Variants in SYNRG observed in about 807,000 individuals in gnomAD.
SYNRG encodes synergin gamma.
In SYNRG, 37 loss-of-function variants were observed where a neutral mutation model predicts 130.9. The observed-to-expected ratio is 0.28, with a 90% CI of 0.22 to 0.37. SYNRG has a LOEUF of 0.37. Ranked by LOEUF, SYNRG falls within the 10% of genes least tolerant of loss-of-function variation. The pLI is 1.00. For missense variants in SYNRG, 1,338 were observed against 1,588.9 expected (o/e 0.84, Z 2.68); for synonymous variants, 539 against 568.1 (o/e 0.95, Z 0.73).
intron 19 of SYNRG, among the ~76,000 whole-genome samples, chr17:37,525,746 TCA>T (rs1420765578): frequency 4.6e-5 from 7 of 151,582 alleles, no homozygotes; most frequent in South Asian, 2.1e-4. Flanking sequence ...GGCGGGCGGA[TCA>T]CGAGGTCAGG....
intron 11 of SYNRG, chr17:37,568,579 G>A (rs2060172461): frequency 2.1e-6 from 1 of 472,396 alleles, no homozygotes; most frequent in Non-Finnish European, 3.7e-6. Flanking sequence ...AGGCAGGTGT[G>A]TACTTACAGG....
At chr17:37,546,229 G>A (rs2058262666) in intron 14 of SYNRG, among the ~76,000 whole-genome samples, 1 of 152,072 alleles carries the variant, frequency 6.6e-6, no homozygotes, top group Non-Finnish European at 1.5e-5. Flanking sequence ...TAGTATAGAT[G>A]GATTTTCAAT....
chr17:37,540,557 A>T lies in SYNRG; in HGVS notation c.3203-14T>A, dbSNP rs1205330577. On this transcript the variant is annotated splice_polypyrimidine_tract_variant and intron_variant, in intron 15 of 21. Coordinates refer to ENST00000612223, the MANE Select transcript of SYNRG (RefSeq NM_007247.6). ...TCTTGTGTGATCCTGGGAGAAGGGG[A>T]TAATACAGTCAAAGGTTTTGGCTAC... The T allele has an allele frequency of 1.2e-6, 2 of 1,610,118 alleles. No individual in the cohort carries two copies. Among genetic ancestry groups the T allele is most frequent in the South Asian group, 2.2e-5 (2 of 90,918 alleles).
chr17:37,605,937 C>T lies in SYNRG; in HGVS notation c.77+3342G>A, dbSNP rs2063710428. 3 of 985,308 alleles carry T rather than the reference C, an allele frequency of 3.0e-6. No individual in the cohort carries two copies. The Admixed American group carries it at 1.8e-4, about 61-fold the overall frequency. 61.0% of individuals were successfully genotyped at this position (985,308 alleles called of 1,614,324 possible). ...AAGACTTCCTAATGGATCTCCCCAC[C>T]TCCAGACTCTGGTTTCTAATTCATC... On this transcript the variant is annotated intron_variant, in intron 1 of 21. Coordinates refer to ENST00000612223, the MANE Select transcript of SYNRG (RefSeq NM_007247.6).
At position 37,573,426 on chromosome 17, in the gene SYNRG, A is replaced by C. The variant is rs2060586989; in HGVS notation, c.902-1439T>G. On this transcript the variant is annotated intron_variant, in intron 8 of 21. Transcript: ENST00000612223. ...AAAAACAAACAAACAAACAAAAAAAACCATATTTTGACTAGAAAGTATACA... is the reference window on the plus strand; with the variant it reads ...AAAAACAAACAAACAAACAAAAAAACCCATATTTTGACTAGAAAGTATACA... 2.0e-5 allele frequency among the ~76,000 whole-genome samples: 3 copies of C among 152,076 alleles called. No homozygotes were observed. In the South Asian group the frequency reaches 6.2e-4, roughly 32 times the overall value.
At chr17:37,545,843 G>A (rs1199852881) in intron 14 of SYNRG, among the ~76,000 whole-genome samples, 1 of 152,188 alleles carries the variant, frequency 6.6e-6, no homozygotes, top group Non-Finnish European at 1.5e-5. Flanking sequence ...CTATTATAGT[G>A]TGAAAAAGTA....
At chr17:37,546,170 G>GA (rs1467568891) in intron 14 of SYNRG, among the ~76,000 whole-genome samples, 2 of 152,194 alleles carry the variant, frequency 1.3e-5, no homozygotes, top group South Asian at 4.1e-4. Context: ...ATAAATGATA[G>GA]AAAAAATGAT....
intron 13 of SYNRG, chr17:37,557,352 C>T (rs988237109): frequency 6.6e-6 from 1 of 152,188 alleles, no homozygotes; most frequent in Admixed American, 6.5e-5. Flanking sequence ...CTCTGAACAA[C>T]ACAATACTAT....
At chr17:37,538,710 T>C (rs529072105) in intron 17 of SYNRG, among the ~76,000 whole-genome samples, 9 of 152,352 alleles carry the variant, frequency 5.9e-5, no homozygotes, top group African/African-American at 2.2e-4. Context: ...TTCTCCTGCC[T>C]CAGTTTCCTG....
chr17:37,591,963 G>A (rs1164096149), intron 3 of SYNRG, among the ~76,000 whole-genome samples: 2 of 152,084 alleles, frequency 1.3e-5, no homozygotes, highest in Admixed American at 6.6e-5. Flanking sequence ...AAATTTCATC[G>A]AAATTGAACT....
rs1258864013 is a variant in SYNRG at position 37,609,395 on chromosome 17, T to C, written c.-40A>G. 2 of 1,390,236 alleles carry C rather than the reference T, an allele frequency of 1.4e-6. No individual in the cohort carries two copies. The highest frequency in any genetic ancestry group is 9.3e-7 in the Non-Finnish European group (1 of 1,076,150). 86.1% of individuals were successfully genotyped at this position (1,390,236 alleles called of 1,614,324 possible). On this transcript the variant is annotated 5_prime_UTR_variant, in exon 1 of 22. The change creates a new upstream start codon in the 5' untranslated region. Coordinates refer to ENST00000612223, the MANE Select transcript of SYNRG (RefSeq NM_007247.6). ...GCCGCTGCCTTCGCCGCCGCCACCT[T>C]ATCAGCAGCTGTCAGCTGAACACAG...
At chr17:37,541,277 G>A in intron 15 of SYNRG, 15 of 985,096 alleles carry the variant, frequency 1.5e-5, no homozygotes, top group Non-Finnish European at 1.8e-5. Flanking sequence ...TGAGATTAAA[G>A]CAGAAGAGGC....
chr17:37,593,330 T>C (rs559450953), intron 3 of SYNRG, among the ~76,000 whole-genome samples: 1 of 152,120 alleles, frequency 6.6e-6, no homozygotes, highest in African/African-American at 2.4e-5. Context: ...GGAGAATCGC[T>C]TGAACCCAGG....
At chr17:37,555,673 G>T (rs2059065106) in intron 13 of SYNRG, among the ~76,000 whole-genome samples, 1 of 152,104 alleles carries the variant, frequency 6.6e-6, no homozygotes, top group Non-Finnish European at 1.5e-5. Context: ...GACCAAGGAG[G>T]GTGTATCACT....
Position 37,561,239 on chromosome 17 carries a change from C to T in SYNRG, c.1619G>A (p.Ser540Asn). 6.2e-7 allele frequency: 1 copy of T among 1,613,822 alleles called. No individual in the cohort carries two copies. The highest frequency in any genetic ancestry group is 8.5e-7 in the Non-Finnish European group (1 of 1,179,948). ...VPPGDPGDKY[S>N]AFRELEQTAE... is the part of the protein sequence containing the mutation. Reference sequence around the variant, plus strand: ...TGTCTGTTCAAGTTCTCTGAAAGCACTATATTTATCACCAGGATCTATGAT... The same window carrying T: ...TGTCTGTTCAAGTTCTCTGAAAGCATTATATTTATCACCAGGATCTATGAT... The change falls in exon 13 of 22, where the codon AGT (serine) becomes AAT (asparagine). Residue 540 changes from serine to asparagine, a missense_variant. Physicochemically the swap from Ser to Asn is conservative, Grantham distance 46 (BLOSUM62 1). This residue lies in a region of SYNRG where 1,146 missense variants were observed against 1,342.3 expected (regional missense o/e 0.85). Transcript: ENST00000612223.
chr17:37,577,140 G>T (rs2060900129), intron 7 of SYNRG, among the ~76,000 whole-genome samples: 1 of 152,132 alleles, frequency 6.6e-6, no homozygotes, highest in Non-Finnish European at 1.5e-5. Context: ...AATCAGAAAT[G>T]ATTCCAATTA....
intron 6 of SYNRG, among the ~76,000 whole-genome samples, chr17:37,578,757 C>T (rs774947134): frequency 6.6e-6 from 1 of 152,206 alleles, no homozygotes; most frequent in Non-Finnish European, 1.5e-5. Context: ...GGGCTTCTGC[C>T]CCCAAGTGCC....
At chr17:37,570,933 C>G (rs761686035) in intron 9 of SYNRG, 48 bp from the exon 10 acceptor site, 1 of 1,555,768 alleles carries the variant, frequency 6.4e-7, no homozygotes, top group Non-Finnish European at 8.7e-7. Context: ...AAACCACATA[C>G]GGTCGAAATC....
intron 13 of SYNRG, among the ~76,000 whole-genome samples, chr17:37,556,399 C>T (rs974512299): frequency 5.3e-5 from 8 of 151,118 alleles, no homozygotes; most frequent in African/African-American, 1.9e-4. Context: ...TGCAGTGAGC[C>T]GAGATTGTGC....
Sources: allele counts gnomAD v4.1 joint callset (sites outside exome capture counted in the v4.1 genomes callset), GRCh38; gene constraint gnomAD v4.1.1; regional missense constraint gnomAD v4.1.1; transcripts MANE v1.5; gene names NCBI Gene and HGNC (gene_info 2026-07-23, HGNC 2026-07-21).